TRPC6: variants seen among roughly 807,000 people sequenced by gnomAD.
The protein encoded by TRPC6 is transient receptor potential cation channel subfamily C member 6.
TRPC6 carries 55 observed loss-of-function variants against 90.7 expected under a neutral mutation model. That is an observed-to-expected ratio of 0.61 (90% CI 0.49 to 0.76). TRPC6 has a LOEUF of 0.76. TRPC6 is among the 30% of genes least tolerant of loss of function. The pLI is 0.00. For missense variants in TRPC6, 989 were observed against 1,122.7 expected (o/e 0.88, Z 1.70); for synonymous variants, 393 against 393.0 (o/e 1.00, Z 0.00).
intron 1 of TRPC6, 29 bp from the exon 2 acceptor site, chr11:101,504,827 A>C (rs200378134): frequency 6.2e-7 from 1 of 1,609,574 alleles, no homozygotes; most frequent in Non-Finnish European, 8.5e-7. Flanking sequence ...ATTGTAAACA[A>C]ATCACATTAA....
chr11:101,477,271 C>G (rs147082991), intron 5 of TRPC6, among the ~76,000 whole-genome samples: 1 of 151,544 alleles, frequency 6.6e-6, no homozygotes, highest in African/African-American at 2.4e-5. Flanking sequence ...CCTTGAGACC[C>G]TTCTCAGCTC....
At chr11:101,472,553 A>G (rs533600887) in intron 7 of TRPC6, among the ~76,000 whole-genome samples, 3 of 152,264 alleles carry the variant, frequency 2.0e-5, no homozygotes, top group African/African-American at 7.2e-5. Flanking sequence ...ATCATAGCTC[A>G]ATATCTAAAT....
chr11:101,456,321 C>G (rs1002161560), intron 10 of TRPC6, among the ~76,000 whole-genome samples: 1 of 152,168 alleles, frequency 6.6e-6, no homozygotes, highest in Admixed American at 6.6e-5. Flanking sequence ...TCAAGCCCCA[C>G]TAATTTATGA....
At chr11:101,513,926 T>C (rs1337579163) in intron 1 of TRPC6, among the ~76,000 whole-genome samples, 4 of 152,302 alleles carry the variant, frequency 2.6e-5, no homozygotes, top group East Asian at 1.9e-4. Flanking sequence ...GTCTGGAACA[T>C]GCTCTAACTC....
Position 101,453,090 on chromosome 11 carries a change from A to G in TRPC6, c.2661T>C (p.Ile887=). ...DEVNEGELKE[I]KQDISSLRYE... ...AGCGGAGACTTGAGATGTCCTGCTTAATTTCCTTCAGTTCCCCTTTGAAAG... is the reference window on the plus strand; with the variant it reads ...AGCGGAGACTTGAGATGTCCTGCTTGATTTCCTTCAGTTCCCCTTTGAAAG... The change falls in exon 13 of 13, where the codon ATT becomes ATC. Residue 887 remains isoleucine (I), a synonymous_variant. Transcript: ENST00000344327. The G allele has an allele frequency of 6.2e-7, 1 of 1,613,166 alleles. No homozygotes were observed. Among genetic ancestry groups the G allele is most frequent in the Non-Finnish European group, 8.5e-7 (1 of 1,179,778 alleles).
intron 1 of TRPC6, among the ~76,000 whole-genome samples, chr11:101,558,210 C>T (rs1225656016): frequency 8.8e-6 from 1 of 113,544 alleles, no homozygotes; most frequent in African/African-American, 4.0e-5. Context: ...TGTGTGTATA[C>T]ATGTATATAT....
chr11:101,529,706 G>T (rs746828105), intron 1 of TRPC6, among the ~76,000 whole-genome samples: 20 of 152,288 alleles, frequency 1.3e-4, no homozygotes, highest in Non-Finnish European at 1.8e-4. Context: ...ATCACAGTTG[G>T]CAGGATAATG....
At chr11:101,571,899 C>A (rs1047653168) in intron 1 of TRPC6, among the ~76,000 whole-genome samples, 2 of 152,130 alleles carry the variant, frequency 1.3e-5, no homozygotes, top group Non-Finnish European at 2.9e-5. Context: ...AAACATAAGA[C>A]CTAAAACCAT....
At chr11:101,499,054 T>C (rs1285229485) in intron 2 of TRPC6, among the ~76,000 whole-genome samples, 1 of 152,206 alleles carries the variant, frequency 6.6e-6, no homozygotes, top group Non-Finnish European at 1.5e-5. Flanking sequence ...CCATTTTTTA[T>C]GACTTTGCCT....
At chr11:101,493,860 G>A (rs1859883674) in intron 2 of TRPC6, among the ~76,000 whole-genome samples, 1 of 152,084 alleles carries the variant, frequency 6.6e-6, no homozygotes, top group African/African-American at 2.4e-5. Context: ...CTTAATACTA[G>A]GTATGTGTAA....
chr11:101,548,655 C>T (rs1459569114), intron 1 of TRPC6, among the ~76,000 whole-genome samples: 1 of 148,590 alleles, frequency 6.7e-6, no homozygotes, highest in Non-Finnish European at 1.5e-5. Flanking sequence ...AGAGATGCTG[C>T]ATCCGTAAAC....
At chr11:101,538,290 CT>C (rs1861097246) in intron 1 of TRPC6, among the ~76,000 whole-genome samples, 2 of 152,016 alleles carry the variant, frequency 1.3e-5, no homozygotes. Context: ...AAAGCTATTT[CT>C]ATACTTTTCT....
chr11:101,460,988 CT>C (rs1387847038), intron 10 of TRPC6, among the ~76,000 whole-genome samples: 4 of 152,120 alleles, frequency 2.6e-5, no homozygotes, highest in African/African-American at 9.7e-5. Flanking sequence ...AATGTCACCC[CT>C]TTCTTTTTCC....
chr11:101,563,225 T>C (rs1005240572), intron 1 of TRPC6, among the ~76,000 whole-genome samples: 6 of 152,120 alleles, frequency 3.9e-5, no homozygotes, highest in Non-Finnish European at 8.8e-5. Flanking sequence ...CCACATAGTG[T>C]TGTACTAGAA....
Position 101,483,009 on chromosome 11 carries a change from A to G in TRPC6, c.1450T>C (p.Phe484Leu), listed in dbSNP as rs1565211472. The part of the protein sequence containing the change: ...ETSTDNAKQL[F>L]RMKTSCFSWM... Reference sequence around the variant, plus strand: ...GAGAAGCAGGATGTTTTCATCCTGAACAGCTGTTTTGCATTATCTGTGCTG... The same window carrying G: ...GAGAAGCAGGATGTTTTCATCCTGAGCAGCTGTTTTGCATTATCTGTGCTG... Residue 484 changes from phenylalanine to leucine, a missense_variant, in exon 5 of 13, where the codon TTC (phenylalanine) becomes CTC (leucine). Phe to Leu is a conservative substitution (Grantham distance 22, BLOSUM62 0). Coordinates refer to ENST00000344327, the MANE Select transcript of TRPC6 (RefSeq NM_004621.6). The G allele has an allele frequency of 1.2e-6, 2 of 1,614,098 alleles. No homozygotes were observed. The highest frequency in any genetic ancestry group is 1.7e-6 in the Non-Finnish European group (2 of 1,179,948).
intron 1 of TRPC6, among the ~76,000 whole-genome samples, chr11:101,555,451 G>A (rs369227493): frequency 6.6e-5 from 10 of 152,264 alleles, no homozygotes; most frequent in African/African-American, 2.2e-4. Context: ...CCTGAGCTTC[G>A]TAAGTGGTTG....
chr11:101,506,708 T>A (rs759603174), intron 1 of TRPC6, among the ~76,000 whole-genome samples: 1 of 152,152 alleles, frequency 6.6e-6, no homozygotes, highest in Non-Finnish European at 1.5e-5. Flanking sequence ...ATAATACATA[T>A]GCAACTTTTA....
At chr11:101,461,528 C>T (rs1030601847) in intron 10 of TRPC6, among the ~76,000 whole-genome samples, 1 of 152,138 alleles carries the variant, frequency 6.6e-6, no homozygotes, top group Non-Finnish European at 1.5e-5. Context: ...GCCATGATGG[C>T]ACCAGTGCAC....
rs1044672839 is a variant in TRPC6 at position 101,583,447 on chromosome 11, G to A, written c.57C>T (p.Ala19=). ...TCTCGTTGCGCCGCGCAGCGGCTCCGGCAGCGCCCCGGGGAGAACTGCCCC... is the reference window on the plus strand; with the variant it reads ...TCTCGTTGCGCCGCGCAGCGGCTCCAGCAGCGCCCCGGGGAGAACTGCCCC... ...PRRGSSPRGA[A]GAAARRNESQ... The change falls in exon 1 of 13, where the codon GCC becomes GCT. Residue 19 remains alanine (A), a synonymous_variant. Transcript: ENST00000344327. 7.1e-6 allele frequency: 11 copies of A among 1,541,530 alleles called. No homozygotes were observed. The African/African-American group carries it at 8.3e-5, about 12-fold the overall frequency.
Sources: gnomAD v4.1 joint callset for allele counts (sites outside exome capture counted in the v4.1 genomes callset) on GRCh38, gnomAD v4.1.1 for gene constraint, MANE v1.5 for transcripts, NCBI Gene and HGNC (gene_info 2026-07-23, HGNC 2026-07-21) for gene names.